The following SEC24A variants were observed in gnomAD, a reference collection of about 807,000 sequenced individuals.
SEC24A encodes protein transport protein Sec24A.
Under a neutral mutation model 129.4 loss-of-function variants are expected in SEC24A, and 93 were observed. The ratio of observed to expected loss-of-function variants is 0.72; its 90% CI spans 0.61 to 0.85. SEC24A has a LOEUF of 0.85. Ranked by LOEUF, SEC24A falls within the 40% of genes least tolerant of loss-of-function variation. The pLI, the probability that SEC24A is intolerant of heterozygous loss-of-function variation, is 0.00. For synonymous variants in SEC24A, 460 were observed against 467.3 expected, an observed-to-expected ratio of 0.98 and a Z score of 0.20; for missense variants, 1,264 against 1,307.4, an observed-to-expected ratio of 0.97 and a Z score of 0.51.
chr5:134,721,607 C>T (rs1236730879), intron 21 of SEC24A, among the ~76,000 whole-genome samples: 1 of 150,744 alleles, frequency 6.6e-6, no homozygotes, highest in East Asian at 2.0e-4. Flanking sequence ...CGTGGTGGCT[C>T]ACACTGGTAG....
At position 134,661,149 on chromosome 5, in the gene SEC24A, A is replaced by T. The variant is rs751259512; in HGVS notation, c.128A>T (p.Gln43Leu). 1.8e-5 allele frequency: 29 copies of T among 1,612,256 alleles called. No homozygotes were observed. Among genetic ancestry groups the T allele is most frequent in the Non-Finnish European group, 2.2e-5 (26 of 1,179,248 alleles). The change falls in exon 2 of 23, where the codon CAA becomes CTA. Residue 43 changes from glutamine to leucine, a missense_variant. Gln to Leu is a moderately radical substitution (Grantham distance 113, BLOSUM62 -2). Transcript: ENST00000398844. Reference protein sequence around the residue: ...GPVQNALLSSQESVSQGYNFQ... With the variant: ...GPVQNALLSSLESVSQGYNFQ... Reference sequence around the variant, plus strand: ...GTCCAAAATGCATTGCTGTCTTCACAAGAGTCAGTGAGCCAAGGATACAAT... The same window carrying T: ...GTCCAAAATGCATTGCTGTCTTCACTAGAGTCAGTGAGCCAAGGATACAAT...
intron 15 of SEC24A, 30 bp downstream of exon 15, chr5:134,698,087 G>A (rs246341): frequency 0.97 from 1,525,103 of 1,572,916 alleles, 739,538 homozygotes; most frequent in East Asian, 1. Context: ...GCGTAGGACT[G>A]AATAATATTT....
chr5:134,725,775 G>C lies in SEC24A; in HGVS notation c.*681G>C, dbSNP rs1480188908. ...GAGAACTATCATTAGGTGGTTTTCT[G>C]ATTTCCTGATGAAGAGTTGGACATA... On this transcript the variant is annotated 3_prime_UTR_variant, in exon 23 of 23. Coordinates refer to ENST00000398844, the MANE Select transcript of SEC24A (RefSeq NM_021982.3). 2 of 152,504 alleles carry C rather than the reference G, an allele frequency of 1.3e-5. No individual in the cohort carries two copies. Among genetic ancestry groups the C allele is most frequent in the Non-Finnish European group, 2.9e-5 (2 of 67,972 alleles). The allele number at this position is 152,504 out of a possible 1,614,324, so 9.4% of individuals were successfully genotyped here.
intron 2 of SEC24A, among the ~76,000 whole-genome samples, chr5:134,664,047 G>A (rs760442145): frequency 6.6e-6 from 1 of 152,024 alleles, no homozygotes; most frequent in African/African-American, 2.4e-5. Flanking sequence ...GGAGGCGGAG[G>A]TTGCAGTGAG....
intron 2 of SEC24A, among the ~76,000 whole-genome samples, chr5:134,666,513 C>T (rs944280018): frequency 2.6e-5 from 4 of 151,310 alleles, no homozygotes; most frequent in African/African-American, 4.9e-5. Context: ...ACTGAGATAG[C>T]GCTATCGCAT....
chr5:134,657,179 A>AACAC (rs1177094202), intron 1 of SEC24A, among the ~76,000 whole-genome samples: 3 of 136,934 alleles, frequency 2.2e-5, no homozygotes, highest in African/African-American at 9.7e-5. Context: ...ATTTCTGAAA[A>AACAC]ACGCACACAC....
rs779767324 is a variant in SEC24A, at chr5:134,682,492, T to A, written c.1491+10T>A. Reference sequence around the variant, plus strand: ...TCCTTCAGAATACATGGTAAACTTTTATTTTTTGATACAGTATACCCATTT... The same window carrying A: ...TCCTTCAGAATACATGGTAAACTTTAATTTTTTGATACAGTATACCCATTT... On this transcript the variant is annotated intron_variant, in intron 9 of 22. Transcript: ENST00000398844. 7 of 1,386,296 alleles carry A rather than the reference T, an allele frequency of 5.0e-6. No homozygotes were observed. The East Asian group carries it at 1.4e-4, about 27-fold the overall frequency. 85.9% of individuals were successfully genotyped at this position (1,386,296 alleles called of 1,614,324 possible). A position where few individuals can be genotyped will look rare whatever the true frequency, so the allele number is the denominator to read the frequency against.
At chr5:134,708,222 C>T (rs1004672455) in intron 17 of SEC24A, among the ~76,000 whole-genome samples, 1 of 152,158 alleles carries the variant, frequency 6.6e-6, no homozygotes, top group Non-Finnish European at 1.5e-5. Flanking sequence ...ATAATCCCAA[C>T]ACTTTGGGAG....
Position 134,693,668 on chromosome 5 carries a change from C to T in SEC24A, c.1780-59C>T. 5.0e-6 allele frequency: 8 copies of T among 1,587,988 alleles called. No homozygotes were observed. In the South Asian group the frequency reaches 9.2e-5, roughly 18 times the overall value. On this transcript the variant is annotated intron_variant, in intron 12 of 22. Coordinates refer to ENST00000398844, the MANE Select transcript of SEC24A (RefSeq NM_021982.3). ...TCTTGTCTATTGTATGAGATACTGA[C>T]TTAATGTGAAATAAAATTTTAATTA...
chr5:134,721,853 C>A (rs1005066595), intron 21 of SEC24A, among the ~76,000 whole-genome samples: 4 of 152,096 alleles, frequency 2.6e-5, no homozygotes, highest in African/African-American at 9.7e-5. Flanking sequence ...GCCTGGGCAA[C>A]AGAGCAAGAA....
At position 134,690,895 on chromosome 5, in the gene SEC24A, C is replaced by T. The variant is rs754975358; in HGVS notation, c.1724-1707C>T. On this transcript the variant is annotated intron_variant, in intron 11 of 22. Transcript: ENST00000398844. ...TGTTGCCCAGGCTGCAGTGCAGTGG[C>T]GCGATCTCAGCTCACTGGCTCACTG... Among the ~76,000 whole-genome samples the T allele has an allele frequency of 5.3e-5, 8 of 152,158 alleles. No individual in the cohort carries two copies. The East Asian group carries it at 5.8e-4, about 11-fold the overall frequency.
At chr5:134,698,132 C>T (rs1325261208) in intron 15 of SEC24A, 75 bp downstream of exon 15, 2 of 1,237,488 alleles carry the variant, frequency 1.6e-6, no homozygotes, top group African/African-American at 3.0e-5. Context: ...TTTATCTGGT[C>T]TTATAAGATT....
intron 21 of SEC24A, 67 bp from the exon 22 acceptor site, chr5:134,723,500 A>G (rs1752678706): frequency 1.0e-6 from 1 of 966,048 alleles, no homozygotes; most frequent in Non-Finnish European, 1.6e-6. Context: ...AAAATTTGAA[A>G]AGTACCATAG....
intron 12 of SEC24A, 133 bp from the exon 13 acceptor site, chr5:134,693,594 T>G: frequency 6.9e-7 from 1 of 1,439,696 alleles, no homozygotes; most frequent in East Asian, 2.5e-5. Context: ...TTTGACCAAC[T>G]TCATTGTTTA....
intron 1 of SEC24A, 22 bp from the exon 2 acceptor site, chr5:134,661,097 T>C (rs1317032243): frequency 3.9e-6 from 6 of 1,531,502 alleles, no homozygotes; most frequent in Non-Finnish European, 5.3e-6. Context: ...GTAAGACTAA[T>C]TTTTCCTCCT....
intron 11 of SEC24A, among the ~76,000 whole-genome samples, chr5:134,691,721 G>A (rs1751660101): frequency 6.6e-6 from 1 of 151,534 alleles, no homozygotes; most frequent in African/African-American, 2.4e-5. Flanking sequence ...TCCTGACCTT[G>A]TGATCCGCCC....
intron 15 of SEC24A, among the ~76,000 whole-genome samples, chr5:134,702,970 G>T (rs1356949468): frequency 6.6e-6 from 1 of 151,860 alleles, no homozygotes; most frequent in Non-Finnish European, 1.5e-5. Context: ...TCACCATGTT[G>T]CCAAGGCTGG....
rs188775197 is a variant in SEC24A at position 134,707,366 on chromosome 5, A to G, written c.2552-1347A>G. ...TTTTTTTGAGGTGGAGTCTCACTCT[A>G]TCGCCCAGGGTGGAGTGCAGTGGCG... On this transcript the variant is annotated intron_variant, in intron 17 of 22. Coordinates refer to ENST00000398844, the MANE Select transcript of SEC24A (RefSeq NM_021982.3). Among the ~76,000 whole-genome samples, 1,185 of 150,430 alleles carry G rather than the reference A, an allele frequency of 7.9e-3. 18 individuals carry two copies. The highest frequency in any genetic ancestry group is 0.027 in the African/African-American group (1,108 of 40,932).
chr5:134,657,763 G>A (rs1016552273), intron 1 of SEC24A, among the ~76,000 whole-genome samples: 36 of 151,962 alleles, frequency 2.4e-4, no homozygotes, highest in Non-Finnish European at 4.9e-4. Flanking sequence ...TTTTTGTAGA[G>A]ACGAGGTCTC....
Sources: allele counts gnomAD v4.1 joint callset (sites outside exome capture counted in the v4.1 genomes callset), GRCh38; gene constraint gnomAD v4.1.1; transcripts MANE v1.5; gene names NCBI Gene and HGNC (gene_info 2026-07-23, HGNC 2026-07-21).